OLFM2: variants seen among roughly 807,000 people sequenced by gnomAD.
OLFM2 encodes noelin-2.
Under a neutral mutation model 43.9 loss-of-function variants are expected in OLFM2, and 20 were observed. The observed-to-expected ratio is 0.46, with a 90% CI of 0.32 to 0.66. The LOEUF (loss-of-function observed/expected upper bound fraction) is 0.66, where lower values mean the gene tolerates loss of function less well. Among genes scored for constraint, OLFM2 ranks in the 30% least tolerant of loss-of-function variants. The probability of loss-of-function intolerance (pLI) is 0.04; values close to 1 mark genes in which losing one functional copy is unlikely to be tolerated. For synonymous variants in OLFM2, 268 were observed against 278.6 expected (o/e 0.96, Z 0.38); for missense variants, 416 against 643.6 (o/e 0.65, Z 3.83).
chr19:9,898,867 C>A (rs993496210), intron 1 of OLFM2, among the ~76,000 whole-genome samples: 2 of 152,174 alleles, frequency 1.3e-5, no homozygotes, highest in African/African-American at 4.8e-5. Flanking sequence ...CGGGCTTGCT[C>A]GGTCCTTCTG....
rs143227726 is a variant in OLFM2 at position 9,908,724 on chromosome 19, G to A, written c.63+27580C>T. Among the ~76,000 whole-genome samples, 1,113 of 151,820 alleles carry A rather than the reference G, an allele frequency of 7.3e-3. 19 individuals carry two copies. The highest frequency in any genetic ancestry group is 0.025 in the African/African-American group (1,041 of 41,378). On this transcript the variant is annotated intron_variant, in intron 1 of 5. Transcript: ENST00000264833. ...GATCTCCTGACCTCGTGATCTGCCC[G>A]CATCAGCCTCCCAAAGCACTGGGAT...
At chr19:9,925,860 C>T (rs866910511) in intron 1 of OLFM2, among the ~76,000 whole-genome samples, 15 of 151,782 alleles carry the variant, frequency 9.9e-5, no homozygotes, top group Middle Eastern at 3.4e-3. Flanking sequence ...CCAGGCCGGG[C>T]GCGGTGGCTC....
At chr19:9,859,436 C>T (rs1022773939) in intron 2 of OLFM2, among the ~76,000 whole-genome samples, 1 of 152,170 alleles carries the variant, frequency 6.6e-6, no homozygotes, top group African/African-American at 2.4e-5. Context: ...CCTGCCTCAG[C>T]CTCCCGAGTA....
At chr19:9,896,384 C>A (rs1250631375) in intron 1 of OLFM2, among the ~76,000 whole-genome samples, 1 of 152,058 alleles carries the variant, frequency 6.6e-6, no homozygotes, top group East Asian at 1.9e-4. Flanking sequence ...CAGGCGTGAG[C>A]CACAGCGCCC....
At chr19:9,922,071 G>C (rs904796213) in intron 1 of OLFM2, among the ~76,000 whole-genome samples, 2 of 149,986 alleles carry the variant, frequency 1.3e-5, no homozygotes, top group African/African-American at 4.9e-5. Context: ...TCCGGCCTGG[G>C]CAACAGAGTG....
At chr19:9,885,167 C>T (rs889123) in intron 1 of OLFM2, among the ~76,000 whole-genome samples, 121,939 of 152,162 alleles carry the variant, frequency 0.8, 49,520 homozygotes, top group Non-Finnish European at 0.86. Context: ...CCTCACTTTC[C>T]CCACCTGCAA....
At chr19:9,889,247 T>G (rs1272534330) in intron 1 of OLFM2, among the ~76,000 whole-genome samples, 1 of 151,832 alleles carries the variant, frequency 6.6e-6, no homozygotes, top group Non-Finnish European at 1.5e-5. Flanking sequence ...GTGTGTTTTT[T>G]GTATTTTGTT....
intron 1 of OLFM2, among the ~76,000 whole-genome samples, chr19:9,914,056 A>C (rs2046855108): frequency 7.3e-6 from 1 of 137,880 alleles, no homozygotes. Context: ...CCGCGGTGGC[A>C]TTCCCCAGCC....
chr19:9,864,230 C>T (rs2046384096), intron 1 of OLFM2, among the ~76,000 whole-genome samples: 2 of 152,220 alleles, frequency 1.3e-5, no homozygotes, highest in African/African-American at 4.8e-5. Context: ...CAGGGCAACC[C>T]ATTAGATTTA....
chr19:9,873,035 C>T (rs2046456264), intron 1 of OLFM2, among the ~76,000 whole-genome samples: 1 of 152,204 alleles, frequency 6.6e-6, no homozygotes, highest in South Asian at 2.1e-4. Context: ...CTAACACTAG[C>T]TCCATTCTAC....
At chr19:9,934,288 C>A (rs1326526863) in intron 1 of OLFM2, among the ~76,000 whole-genome samples, 13 of 152,154 alleles carry the variant, frequency 8.5e-5, no homozygotes, top group Non-Finnish European at 1.6e-4. Flanking sequence ...CACTGCAGCC[C>A]GCGGCAGGAT....
chr19:9,920,623 C>T (rs900384805), intron 1 of OLFM2, among the ~76,000 whole-genome samples: 2 of 151,814 alleles, frequency 1.3e-5, no homozygotes, highest in African/African-American at 4.8e-5. Flanking sequence ...GGGCTAGGCG[C>T]GGTGGCTCAT....
At chr19:9,934,524 G>T (rs1425381995) in intron 1 of OLFM2, among the ~76,000 whole-genome samples, 1 of 149,822 alleles carries the variant, frequency 6.7e-6, no homozygotes, top group African/African-American at 2.5e-5. Flanking sequence ...GGGAGTGGAG[G>T]AGAAGCCACA....
At chr19:9,930,296 A>G (rs1282303387) in intron 1 of OLFM2, among the ~76,000 whole-genome samples, 1 of 152,248 alleles carries the variant, frequency 6.6e-6, no homozygotes. Context: ...TATTCATTAT[A>G]GATTTTTCTT....
intron 1 of OLFM2, among the ~76,000 whole-genome samples, chr19:9,878,272 C>T (rs779472507): frequency 5.3e-5 from 8 of 151,810 alleles, no homozygotes; most frequent in Non-Finnish European, 7.4e-5. Flanking sequence ...ATAAGCAAAT[C>T]GGTGCTGACT....
At chr19:9,913,626 C>T (rs1349935321) in intron 1 of OLFM2, 2 of 1,289,708 alleles carry the variant, frequency 1.6e-6, no homozygotes, top group Non-Finnish European at 2.0e-6. Context: ...ATCGCGCCTC[C>T]GCCTCATGCC....
intron 1 of OLFM2, among the ~76,000 whole-genome samples, chr19:9,879,172 C>T (rs1568373380): frequency 6.6e-6 from 1 of 152,104 alleles, no homozygotes; most frequent in African/African-American, 2.4e-5. Context: ...CAGTTTCACT[C>T]TTGTTACCCA....
At chr19:9,881,893 C>T (rs1196620138) in intron 1 of OLFM2, among the ~76,000 whole-genome samples, 1 of 152,106 alleles carries the variant, frequency 6.6e-6, no homozygotes, top group East Asian at 1.9e-4. Flanking sequence ...AAAAACCCCA[C>T]CTCCAAATAC....
intron 1 of OLFM2, among the ~76,000 whole-genome samples, chr19:9,872,392 G>A (rs890939193): frequency 6.6e-6 from 1 of 152,142 alleles, no homozygotes; most frequent in African/African-American, 2.4e-5. Flanking sequence ...GCACGAGCCT[G>A]TGGTCCCAGC....
Sources: gnomAD v4.1 joint callset for allele counts (sites outside exome capture counted in the v4.1 genomes callset) on GRCh38, gnomAD v4.1.1 for gene constraint, MANE v1.5 for transcripts, NCBI Gene and HGNC (gene_info 2026-07-23, HGNC 2026-07-21) for gene names.